NTN4: variants seen among roughly 807,000 people sequenced by gnomAD.
The protein encoded by NTN4 is netrin 4, also known as netrin-4.
In NTN4, 32 loss-of-function variants were observed where a neutral mutation model predicts 73.6. That is an observed-to-expected ratio of 0.44 (90% CI 0.33 to 0.58). The LOEUF (loss-of-function observed/expected upper bound fraction) is 0.58, where lower values mean the gene tolerates loss of function less well. Among genes scored for constraint, NTN4 ranks in the 20% least tolerant of loss-of-function variants. The probability of loss-of-function intolerance (pLI) is 0.04; values close to 1 mark genes in which losing one functional copy is unlikely to be tolerated. For missense variants in NTN4, 654 were observed against 798.3 expected, an observed-to-expected ratio of 0.82 and a Z score of 2.18; for synonymous variants, 258 against 287.5, an observed-to-expected ratio of 0.90 and a Z score of 1.04.
intron 5 of NTN4, among the ~76,000 whole-genome samples, chr12:95,700,901 C>G (rs1467370501): frequency 2.0e-5 from 3 of 148,568 alleles, no homozygotes; most frequent in Admixed American, 6.8e-5. Flanking sequence ...GCAACTTCTG[C>G]CTCCTCGGTT....
chr12:95,682,781 C>G lies in NTN4; in HGVS notation c.1436G>C (p.Arg479Pro). 1 of 1,613,734 alleles carries G rather than the reference C, an allele frequency of 6.2e-7. No individual in the cohort carries two copies. The highest frequency in any genetic ancestry group is 8.5e-7 in the Non-Finnish European group (1 of 1,179,770). Residue 479 changes from arginine to proline, a missense_variant, in exon 7 of 10, where the codon CGT becomes CCT. Arg to Pro is a moderately radical substitution (Grantham distance 103). Coordinates refer to ENST00000343702, the MANE Select transcript of NTN4 (RefSeq NM_021229.4). ...IDWYHEVPDF[R>P]PVHNKSEPAW... ...TGGTTCGCTCTTATTGTGCACGGGA[C>G]GGAAGTCAGGAACTTCATGATACCA...
intron 7 of NTN4, among the ~76,000 whole-genome samples, chr12:95,679,510 T>C (rs1421819618): frequency 6.6e-6 from 1 of 152,160 alleles, no homozygotes; most frequent in Non-Finnish European, 1.5e-5. Context: ...TCCTAGCTTG[T>C]TTCCAACTCC....
At chr12:95,769,550 C>CAA (rs60702860) in intron 2 of NTN4, among the ~76,000 whole-genome samples, 23,800 of 129,552 alleles carry the variant, frequency 0.18, 2,643 homozygotes, top group Non-Finnish European at 0.26. Context: ...ATTTATAGAC[C>CAA]AAAAAAAAAA....
At chr12:95,696,946 G>A (rs966685004) in intron 5 of NTN4, among the ~76,000 whole-genome samples, 1 of 151,948 alleles carries the variant, frequency 6.6e-6, no homozygotes, top group Non-Finnish European at 1.5e-5. Flanking sequence ...GAGGCCGGAG[G>A]TTCACTTGAG....
At chr12:95,688,561 T>G (rs1194480852) in intron 5 of NTN4, among the ~76,000 whole-genome samples, 1 of 152,106 alleles carries the variant, frequency 6.6e-6, no homozygotes, top group Non-Finnish European at 1.5e-5. Flanking sequence ...GGAAACATTC[T>G]GACACTTAGG....
At chr12:95,780,026 C>T (rs2079121203) in intron 2 of NTN4, among the ~76,000 whole-genome samples, 1 of 152,094 alleles carries the variant, frequency 6.6e-6, no homozygotes, top group Non-Finnish European at 1.5e-5. Flanking sequence ...CTTTGACAAA[C>T]CTGACAAAAA....
chr12:95,782,357 G>T (rs749751371), intron 2 of NTN4, among the ~76,000 whole-genome samples: 1 of 151,602 alleles, frequency 6.6e-6, no homozygotes, highest in Admixed American at 6.6e-5. Context: ...GTGCAGGGGC[G>T]TGATCTCGGG....
At chr12:95,736,826 C>A (rs1014558867) in intron 3 of NTN4, among the ~76,000 whole-genome samples, 1 of 152,216 alleles carries the variant, frequency 6.6e-6, no homozygotes, top group Non-Finnish European at 1.5e-5. Flanking sequence ...GCTGCCCCAG[C>A]GACTCAGCCC....
intron 2 of NTN4, among the ~76,000 whole-genome samples, chr12:95,767,639 G>A (rs1363778199): frequency 1.3e-5 from 2 of 152,144 alleles, no homozygotes; most frequent in Non-Finnish European, 2.9e-5. Context: ...CCCATGCAAC[G>A]AACTCAGCAT....
rs544874915 is a variant in NTN4 at position 95,714,314 on chromosome 12, T to C, written c.865-976A>G. Among the ~76,000 whole-genome samples the C allele has an allele frequency of 3.9e-5, 6 of 152,342 alleles. No homozygotes were observed. The East Asian group carries it at 1.2e-3, about 29-fold the overall frequency. On this transcript the variant is annotated intron_variant, in intron 3 of 9. Coordinates refer to ENST00000343702, the MANE Select transcript of NTN4 (RefSeq NM_021229.4). ...GTACCAAGATTATTTATTTACATGATGTCATGACTGTACAAAGGAAAGGTT... is the reference window on the plus strand; with the variant it reads ...GTACCAAGATTATTTATTTACATGACGTCATGACTGTACAAAGGAAAGGTT...
At chr12:95,744,143 C>G (rs148319221) in intron 2 of NTN4, among the ~76,000 whole-genome samples, 5,727 of 152,060 alleles carry the variant, frequency 0.038, 315 homozygotes, top group Admixed American at 0.15. Flanking sequence ...CTCAGGTGAT[C>G]CACCTGCCTC....
chr12:95,745,587 G>C (rs2078856316), intron 2 of NTN4, among the ~76,000 whole-genome samples: 1 of 152,102 alleles, frequency 6.6e-6, no homozygotes, highest in South Asian at 2.1e-4. Flanking sequence ...GATAATAACT[G>C]TTTTAAAGTC....
chr12:95,682,056 G>GTTTTTTTTTTTTT (rs1349857597), intron 7 of NTN4, among the ~76,000 whole-genome samples: 5 of 37,952 alleles, frequency 1.3e-4, no homozygotes, highest in Admixed American at 6.8e-4. Context: ...TATTCAGTAG[G>GTTTTTTTTTTTTT]CTTTTTTTTT....
chr12:95,741,488 A>G (rs1263684192), intron 2 of NTN4, among the ~76,000 whole-genome samples: 2 of 122,652 alleles, frequency 1.6e-5, no homozygotes, highest in Non-Finnish European at 3.3e-5. Context: ...CTCCATGCCA[A>G]CCTGGAGGAT....
intron 2 of NTN4, among the ~76,000 whole-genome samples, chr12:95,758,442 G>A (rs545837506): frequency 6.6e-6 from 1 of 152,234 alleles, no homozygotes; most frequent in South Asian, 2.1e-4. Context: ...TGAGTTATGA[G>A]TTCCTTATGA....
rs750043107 is a variant in NTN4 at position 95,787,131 on chromosome 12, A to T, written c.393T>A (p.Ile131=). The change falls in exon 2 of 10, where the codon ATT becomes ATA. Residue 131 remains isoleucine (I), a synonymous_variant. Transcript: ENST00000343702. ...CCGGCCTGGGGGACTTGAACATCAC[A>T]ATTAGGTGAGTGAAGTAGAATTCAG... ...LEAEFYFTHL[I]VMFKSPRPAA... 1.4e-5 allele frequency: 23 copies of T among 1,614,036 alleles called. No homozygotes were observed. The African/African-American group carries it at 2.5e-4, about 18-fold the overall frequency.
rs182657566 is a variant in NTN4 at position 95,660,000 on chromosome 12, T to G, written c.1751-778A>C. On this transcript the variant is annotated intron_variant, in intron 9 of 9. Transcript: ENST00000343702. ...TGGTAGTGTATATTAAGGAGGTTTT[T>G]TTTTTGTTTTTGTTTTGTTTTGTTT... is the stretch of plus-strand genomic sequence containing the variant. 1.8e-3 allele frequency among the ~76,000 whole-genome samples: 271 copies of G among 152,214 alleles called. 2 individuals are homozygous for G. Among genetic ancestry groups the G allele is most frequent in the Middle Eastern group, 6.8e-3 (2 of 294 alleles).
intron 5 of NTN4, among the ~76,000 whole-genome samples, chr12:95,703,515 G>C (rs1269342306): frequency 2.0e-5 from 3 of 152,192 alleles, no homozygotes; most frequent in East Asian, 3.9e-4. Flanking sequence ...TTAAATTGGA[G>C]AGATGTCAAA....
intron 9 of NTN4, among the ~76,000 whole-genome samples, chr12:95,661,495 T>TTCTA (rs997289661): frequency 6.6e-6 from 1 of 152,214 alleles, no homozygotes; most frequent in Non-Finnish European, 1.5e-5. Context: ...ACTCACTCTT[T>TTCTA]TCTATCTCTA....
Sources: gnomAD v4.1 joint callset for allele counts (sites outside exome capture counted in the v4.1 genomes callset) on GRCh38, gnomAD v4.1.1 for gene constraint, MANE v1.5 for transcripts, NCBI Gene and HGNC (gene_info 2026-07-23, HGNC 2026-07-21) for gene names.